The following CRACD variants were observed in gnomAD, a reference collection of about 807,000 sequenced individuals.
CRACD encodes capping protein inhibiting regulator of actin dynamics, also known as capping protein-inhibiting regulator of actin dynamics.
In CRACD, 56 loss-of-function variants were observed where a neutral mutation model predicts 106.8. The ratio of observed to expected loss-of-function variants is 0.52; its 90% CI spans 0.42 to 0.66. The LOEUF (loss-of-function observed/expected upper bound fraction) is 0.66. CRACD is among the 30% of genes least tolerant of loss of function. The pLI, the probability that CRACD is intolerant of heterozygous loss-of-function variation, is 0.00. For missense variants in CRACD, 1,730 were observed against 1,623.2 expected (o/e 1.07, Z -1.13); for synonymous variants, 754 against 670.8 (o/e 1.12, Z -1.92).
chr4:56,113,976 GA>G (rs1734202289), intron 1 of CRACD, among the ~76,000 whole-genome samples: 1 of 151,996 alleles, frequency 6.6e-6, no homozygotes, highest in South Asian at 2.1e-4. Context: ...TACTTCCTGT[GA>G]AGGATAATTG....
At chr4:56,296,582 C>T (rs1001083166) in intron 3 of CRACD, among the ~76,000 whole-genome samples, 3 of 152,120 alleles carry the variant, frequency 2.0e-5, no homozygotes, top group Non-Finnish European at 4.4e-5. Flanking sequence ...TAATTCAGTT[C>T]GGAGGCACTG....
chr4:56,084,587 G>A (rs767529248), intron 1 of CRACD, among the ~76,000 whole-genome samples: 9 of 152,168 alleles, frequency 5.9e-5, no homozygotes, highest in Non-Finnish European at 1.0e-4. Context: ...GTCAGTGCCA[G>A]CCAGCACCAA....
rs1054866296 is a variant in CRACD, at chr4:56,329,220, A to G, written c.*1416A>G. On this transcript the variant is annotated 3_prime_UTR_variant, in exon 11 of 11. Transcript: ENST00000682029. Reference sequence around the variant, plus strand: ...CTCACATATTGCTGGTGCTAACCTTATATTTCATAGTGTTGGCATATTCCC... The same window carrying G: ...CTCACATATTGCTGGTGCTAACCTTGTATTTCATAGTGTTGGCATATTCCC... Among the ~76,000 whole-genome samples, 1 of 152,240 alleles carries G rather than the reference A, an allele frequency of 6.6e-6. No homozygotes were observed. Among genetic ancestry groups the G allele is most frequent in the African/African-American group, 2.4e-5 (1 of 41,460 alleles).
chr4:56,304,312 CTTTTT>C (rs10551073), intron 4 of CRACD, among the ~76,000 whole-genome samples: 5 of 127,962 alleles, frequency 3.9e-5, no homozygotes, highest in East Asian at 2.2e-4. Context: ...GTTCTTATTC[CTTTTT>C]TTTTTTTTTT....
chr4:56,327,139 G>A (rs1327549820), intron 10 of CRACD, among the ~76,000 whole-genome samples: 1 of 152,178 alleles, frequency 6.6e-6, no homozygotes, highest in Non-Finnish European at 1.5e-5. Context: ...TCTTTATATA[G>A]ATTAGGCTTC....
At chr4:56,188,643 C>CTCTG (rs1210757237) in intron 2 of CRACD, among the ~76,000 whole-genome samples, 1 of 146,232 alleles carries the variant, frequency 6.8e-6, no homozygotes, top group Non-Finnish European at 1.5e-5. Context: ...CTCTCTCTCT[C>CTCTG]TCTCTATCTC....
chr4:56,295,625 G>GAGAAAT (rs1249291524), intron 3 of CRACD, among the ~76,000 whole-genome samples: 1 of 143,854 alleles, frequency 7.0e-6, no homozygotes, highest in East Asian at 2.2e-4. Flanking sequence ...TAGCACTGGT[G>GAGAAAT]TATTCTGTAC....
At chr4:56,129,822 G>GA (rs1734769203) in intron 1 of CRACD, among the ~76,000 whole-genome samples, 1 of 152,154 alleles carries the variant, frequency 6.6e-6, no homozygotes, top group African/African-American at 2.4e-5. Context: ...GAAGCACAAA[G>GA]AAAAAATGTG....
chr4:56,059,876 G>A lies in CRACD; in HGVS notation c.-336+10577G>A, dbSNP rs139459172. ...TTTTTGTATTTTTAGTAGAAAAGGG[G>A]TTTTGCCATGTTGGCCAGGCTGGTC... is the stretch of plus-strand genomic sequence containing the variant. On this transcript the variant is annotated intron_variant, in intron 1 of 10. Coordinates refer to ENST00000682029, the MANE Select transcript of CRACD (RefSeq NM_001393381.1). Among the ~76,000 whole-genome samples, 431 of 152,212 alleles carry A rather than the reference G, an allele frequency of 2.8e-3. 2 individuals are homozygous for A. Among genetic ancestry groups the A allele is most frequent in the African/African-American group, 8.6e-3 (359 of 41,532 alleles).
intron 8 of CRACD, among the ~76,000 whole-genome samples, chr4:56,318,911 C>T (rs1249838783): frequency 6.6e-6 from 1 of 152,228 alleles, no homozygotes; most frequent in African/African-American, 2.4e-5. Flanking sequence ...TCTAAATCTG[C>T]AATTGCAAGT....
intron 1 of CRACD, among the ~76,000 whole-genome samples, chr4:56,160,816 G>T (rs1735925830): frequency 6.6e-6 from 1 of 152,204 alleles, no homozygotes; most frequent in Non-Finnish European, 1.5e-5. Flanking sequence ...TGCCTCTGGT[G>T]CAGCTTCCTG....
intron 3 of CRACD, among the ~76,000 whole-genome samples, chr4:56,284,596 G>T (rs573537622): frequency 1.6e-4 from 24 of 152,110 alleles, no homozygotes; most frequent in African/African-American, 5.8e-4. Flanking sequence ...GTGGTGGTGG[G>T]TACCTGTAAT....
At chr4:56,089,207 AATT>A (rs1347296827) in intron 1 of CRACD, among the ~76,000 whole-genome samples, 2 of 152,318 alleles carry the variant, frequency 1.3e-5, no homozygotes, top group East Asian at 3.9e-4. Flanking sequence ...CCGGAATTTG[AATT>A]TCCTGTGCCA....
rs1009264294 is a variant in CRACD, at chr4:56,314,705, G to A, written c.1203G>A (p.Leu401=). The A allele has an allele frequency of 6.4e-7, 1 of 1,561,688 alleles. No homozygotes were observed. The highest frequency in any genetic ancestry group is 2.0e-4 in the Middle Eastern group (1 of 5,056). ...EGRRGAEEED[L]GEEEEEGQAH... Reference sequence around the variant, plus strand: ...GGCGGGGCGCGGAGGAGGAGGATCTGGGGGAAGAGGAGGAGGAGGGCCAGG... The same window carrying A: ...GGCGGGGCGCGGAGGAGGAGGATCTAGGGGAAGAGGAGGAGGAGGGCCAGG... The change falls in exon 8 of 11, where the codon CTG becomes CTA. Residue 401 remains leucine, a synonymous_variant. Coordinates refer to ENST00000682029, the MANE Select transcript of CRACD (RefSeq NM_001393381.1). This position sits in a 1 kb window ranked among gnomAD's most constrained non-coding sequence, Gnocchi z 4.4.
intron 2 of CRACD, among the ~76,000 whole-genome samples, chr4:56,239,288 GATA>G (rs893863739): frequency 4.6e-5 from 7 of 151,524 alleles, no homozygotes; most frequent in African/African-American, 1.5e-4. Flanking sequence ...CTCAAAAAAT[GATA>G]ATAATAAATA....
chr4:56,153,558 C>T (rs371142981), intron 1 of CRACD, among the ~76,000 whole-genome samples: 15 of 151,510 alleles, frequency 9.9e-5, no homozygotes, highest in South Asian at 4.2e-4. Context: ...TCATGGCTTT[C>T]ACCACTCTCG....
intron 2 of CRACD, among the ~76,000 whole-genome samples, chr4:56,260,668 A>G (rs1577819596): frequency 6.6e-6 from 1 of 152,218 alleles, no homozygotes; most frequent in Admixed American, 6.5e-5. Flanking sequence ...GATTCAATAC[A>G]TTGAAAGATT....
At chr4:56,124,824 G>A (rs1442555907) in intron 1 of CRACD, among the ~76,000 whole-genome samples, 2 of 152,116 alleles carry the variant, frequency 1.3e-5, no homozygotes, top group African/African-American at 4.8e-5. Context: ...AAGTCTAGGA[G>A]GGGATAGTAG....
intron 2 of CRACD, among the ~76,000 whole-genome samples, chr4:56,234,460 GTTTA>G (rs1424918309): frequency 2.6e-5 from 4 of 151,952 alleles, no homozygotes; most frequent in East Asian, 1.9e-4. Context: ...ATAACATCTT[GTTTA>G]TTTATTTATC....
Sources: gnomAD v4.1 joint callset for allele counts (sites outside exome capture counted in the v4.1 genomes callset) on GRCh38, gnomAD v4.1.1 for gene constraint, Gnocchi (gnomAD v3.1) non-coding constraint, MANE v1.5 for transcripts, NCBI Gene and HGNC (gene_info 2026-07-23, HGNC 2026-07-21) for gene names.